The following NCOA4 variants were observed in gnomAD, a reference collection of about 807,000 sequenced individuals.
NCOA4 encodes the protein nuclear receptor coactivator 4.
In NCOA4, 31 loss-of-function variants were observed where a neutral mutation model predicts 69.5. That is an observed-to-expected ratio of 0.45 (90% CI 0.34 to 0.60). The LOEUF (loss-of-function observed/expected upper bound fraction) is 0.60, where lower values mean the gene tolerates loss of function less well. Ranked by LOEUF, NCOA4 falls within the 20% of genes least tolerant of loss-of-function variation. The pLI is 0.02. For missense variants in NCOA4, 600 were observed against 719.2 expected, an observed-to-expected ratio of 0.83 and a Z score of 1.90; for synonymous variants, 228 against 252.4, an observed-to-expected ratio of 0.90 and a Z score of 0.92.
chr10:46,010,495 C>T lies in NCOA4; in HGVS notation c.1426G>A (p.Ala476Thr). 1 of 1,614,200 alleles carries T rather than the reference C, an allele frequency of 6.2e-7. No individual in the cohort carries two copies. ...EVIEQTKAPK[A>T]MTPSRIADSF... is the part of the protein sequence containing the mutation. The stretch of plus-strand genomic sequence containing the variant: ...TCAGCAATTCTAGAAGGAGTCATTG[C>T]CTTTGGTGCTTTAGTTTGTTCTATT... The change falls in exon 8 of 10, where the codon GCA becomes ACA. Residue 476 changes from alanine to threonine, a missense_variant. Ala to Thr is a moderately conservative substitution (Grantham distance 58). Transcript: ENST00000581486.
intron 1 of NCOA4, 113 bp downstream of exon 1, chr10:46,030,413 G>A (rs1158948485): frequency 1.3e-5 from 2 of 152,016 alleles, no homozygotes; most frequent in African/African-American, 4.8e-5. Flanking sequence ...GGGAGGGAAG[G>A]GAAGGAGAAG....
chr10:46,013,216 T>G (rs147812511), intron 6 of NCOA4, among the ~76,000 whole-genome samples, 190 bp from the exon 7 acceptor site: 1 of 152,162 alleles, frequency 6.6e-6, no homozygotes, highest in African/African-American at 2.4e-5. Context: ...CTAAAACATA[T>G]AGAAACCTTT....
chr10:46,011,451 A>G (rs1307137379), intron 7 of NCOA4, among the ~76,000 whole-genome samples: 3 of 139,786 alleles, frequency 2.1e-5, no homozygotes, highest in South Asian at 4.5e-4. Context: ...TTTTTTTTGT[A>G]TTTTTAGTAG....
chr10:46,007,985 C>A (rs1427032413), intron 9 of NCOA4, among the ~76,000 whole-genome samples: 1 of 152,154 alleles, frequency 6.6e-6, no homozygotes, highest in African/African-American at 2.4e-5. Context: ...AACAACAAAG[C>A]TTGGATGACA....
At chr10:46,029,729 T>C (rs1840355636) in intron 1 of NCOA4, among the ~76,000 whole-genome samples, 1 of 152,210 alleles carries the variant, frequency 6.6e-6, no homozygotes, top group Non-Finnish European at 1.5e-5. Context: ...CTTCTGCCAT[T>C]CTTGATGGCA....
In NCOA4 at chr10:46,016,711, T is replaced by C. The variant is rs367601431; in HGVS notation, c.-14-17A>G. On this transcript the variant is annotated splice_polypyrimidine_tract_variant and intron_variant, in intron 1 of 9. Coordinates refer to ENST00000581486, the MANE Select transcript of NCOA4 (RefSeq NM_001145263.2). ...TCACTGCTCCTTTAAAAGAAAAAAATATATATAAATAGCACCATAATTACA... is the reference window on the plus strand; with the variant it reads ...TCACTGCTCCTTTAAAAGAAAAAAACATATATAAATAGCACCATAATTACA... 1.4e-6 allele frequency: 2 copies of C among 1,385,670 alleles called. No individual in the cohort carries two copies. The highest frequency in any genetic ancestry group is 1.9e-6 in the Non-Finnish European group (2 of 1,055,516). The allele number at this position is 1,385,670 out of a possible 1,614,324, so 85.8% of individuals were successfully genotyped here. A position where few individuals can be genotyped will look rare whatever the true frequency, so the allele number is the denominator to read the frequency against.
chr10:46,025,782 G>A (rs985495753), intron 1 of NCOA4, among the ~76,000 whole-genome samples: 11 of 152,122 alleles, frequency 7.2e-5, no homozygotes, highest in South Asian at 2.1e-4. Context: ...ATGGGTTTCC[G>A]GCAGGACGCC....
rs1839469168 is a variant in NCOA4, at chr10:46,015,270, G to C, written c.142-4C>G. 1 of 1,535,616 alleles carries C rather than the reference G, an allele frequency of 6.5e-7. No homozygotes were observed. The highest frequency in any genetic ancestry group is 2.7e-5 in the East Asian group (1 of 37,038). On this transcript the variant is annotated splice_polypyrimidine_tract_variant and splice_region_variant and intron_variant, in intron 2 of 9. Coordinates refer to ENST00000581486, the MANE Select transcript of NCOA4 (RefSeq NM_001145263.2). Reference sequence around the variant, plus strand: ...AACTGTGAATCTGAGCTTTGACCTAGGAAACACATACATGTTAGCTTCCTA... The same window carrying C: ...AACTGTGAATCTGAGCTTTGACCTACGAAACACATACATGTTAGCTTCCTA...
At chr10:46,019,369 C>T (rs891549265) in intron 1 of NCOA4, 21 of 985,286 alleles carry the variant, frequency 2.1e-5, no homozygotes, top group Middle Eastern at 5.2e-4. Flanking sequence ...AGAGCTGGAG[C>T]GTGATGGGCT....
In NCOA4 at chr10:46,006,607, G is replaced by C; in HGVS notation, c.1840-10C>G. On this transcript the variant is annotated splice_polypyrimidine_tract_variant and intron_variant, in intron 9 of 9. Transcript: ENST00000581486. ...GTCCATTCCTTCACATCTGTAAAGA[G>C]ACACCCACAGATGATAAGTTACTTC... 1.9e-6 allele frequency: 3 copies of C among 1,613,902 alleles called. No homozygotes were observed. The highest frequency in any genetic ancestry group is 2.5e-6 in the Non-Finnish European group (3 of 1,179,816).
chr10:46,011,775 CG>C (rs879957928), intron 7 of NCOA4, among the ~76,000 whole-genome samples: 2 of 151,608 alleles, frequency 1.3e-5, no homozygotes, highest in Admixed American at 1.3e-4. Flanking sequence ...AATACTTGGC[CG>C]GGTACGGTGG....
chr10:46,011,859 G>A (rs1839229038), intron 7 of NCOA4, among the ~76,000 whole-genome samples: 1 of 151,064 alleles, frequency 6.6e-6, no homozygotes, highest in African/African-American at 2.4e-5. Flanking sequence ...GACCATCCTG[G>A]CTAACACGGG....
chr10:46,024,777 T>C (rs1473787442), intron 1 of NCOA4, among the ~76,000 whole-genome samples: 1 of 152,180 alleles, frequency 6.6e-6, no homozygotes, highest in Non-Finnish European at 1.5e-5. Context: ...GCTTCAAGAA[T>C]TTCTATGCTG....
At chr10:46,008,156 G>T (rs1838964386) in intron 9 of NCOA4, among the ~76,000 whole-genome samples, 1 of 152,212 alleles carries the variant, frequency 6.6e-6, no homozygotes, top group African/African-American at 2.4e-5. Context: ...ATGTTTTCAT[G>T]TTTGCTAATA....
chr10:46,012,315 G>A (rs936989074), intron 7 of NCOA4, among the ~76,000 whole-genome samples: 1 of 152,080 alleles, frequency 6.6e-6, no homozygotes, highest in South Asian at 2.1e-4. Context: ...AAGTCTTAAA[G>A]CGTAAGCAGA....
intron 7 of NCOA4, among the ~76,000 whole-genome samples, chr10:46,012,083 A>AAAAAAAAAAAAAAAAAAAAAAC (rs1839256310): frequency 7.3e-6 from 1 of 136,546 alleles, no homozygotes; most frequent in Non-Finnish European, 1.5e-5. Context: ...AAAAAAAAAA[A>AAAAAAAAAAAAAAAAAAAAAAC]AAAAAAAAAA....
At chr10:46,017,352 G>A (rs982963787) in intron 1 of NCOA4, among the ~76,000 whole-genome samples, 10 of 152,136 alleles carry the variant, frequency 6.6e-5, no homozygotes, top group African/African-American at 2.4e-4. Context: ...TTCGGGACCA[G>A]CCTGGGCAAA....
intron 1 of NCOA4, among the ~76,000 whole-genome samples, chr10:46,024,319 T>C (rs1052300735): frequency 1.3e-5 from 2 of 152,238 alleles, no homozygotes; most frequent in Non-Finnish European, 2.9e-5. Flanking sequence ...TCTATTAAAA[T>C]ATAACTCATG....
In NCOA4 at chr10:46,005,772, T is replaced by A. The variant is rs1421730464; in HGVS notation, c.*820A>T. 4.7e-6 allele frequency: 1 copy of A among 213,148 alleles called. No homozygotes were observed. The highest frequency in any genetic ancestry group is 2.3e-5 in the African/African-American group (1 of 44,236). The allele number at this position is 213,148 out of a possible 1,614,324, so 13.2% of individuals were successfully genotyped here. A position where few individuals can be genotyped will look rare whatever the true frequency, so the allele number is the denominator to read the frequency against. ...AATTATCCCTATGATAGTGACTGTTTCAAGTACTATACTACATTTCCAACA... is the reference window on the plus strand; with the variant it reads ...AATTATCCCTATGATAGTGACTGTTACAAGTACTATACTACATTTCCAACA... On this transcript the variant is annotated 3_prime_UTR_variant, in exon 10 of 10. Transcript: ENST00000581486.
Sources: gnomAD v4.1 joint callset for allele counts (sites outside exome capture counted in the v4.1 genomes callset) on GRCh38, gnomAD v4.1.1 for gene constraint, MANE v1.5 for transcripts, NCBI Gene and HGNC (gene_info 2026-07-23, HGNC 2026-07-21) for gene names.